The following MECOM variants were observed in gnomAD, a reference collection of about 807,000 sequenced individuals.
MECOM encodes histone-lysine N-methyltransferase MECOM.
Under a neutral mutation model 116.3 loss-of-function variants are expected in MECOM, and 13 were observed. The ratio of observed to expected loss-of-function variants is 0.11; its 90% CI spans 0.07 to 0.18. The LOEUF is 0.18. Ranked by LOEUF, MECOM falls within the 10% of genes least tolerant of loss-of-function variation. MECOM has a pLI of 1.00. For synonymous variants in MECOM, 528 were observed against 535.2 expected (o/e 0.99, Z 0.19); for missense variants, 1,299 against 1,509.0 (o/e 0.86, Z 2.31).
intron 1 of MECOM, among the ~76,000 whole-genome samples, chr3:169,408,498 G>A (rs184163547): frequency 1.3e-5 from 2 of 152,230 alleles, no homozygotes; most frequent in African/African-American, 4.8e-5. Flanking sequence ...CTTCTGGTAA[G>A]TAAAACAACA....
At chr3:169,433,517 GACAA>G (rs532076854) in intron 1 of MECOM, among the ~76,000 whole-genome samples, 67 of 141,576 alleles carry the variant, frequency 4.7e-4, no homozygotes, top group East Asian at 2.1e-3. Flanking sequence ...AGAAAAGAAA[GACAA>G]ACAGACAGAC....
chr3:169,328,848 T>C (rs1019814848), intron 2 of MECOM, among the ~76,000 whole-genome samples: 2 of 152,192 alleles, frequency 1.3e-5, no homozygotes, highest in East Asian at 3.8e-4. Context: ...GACATGATTG[T>C]CAGAGCTTCT....
At chr3:169,525,665 T>G (rs1231769130) in intron 1 of MECOM, among the ~76,000 whole-genome samples, 1 of 152,234 alleles carries the variant, frequency 6.6e-6, no homozygotes, top group African/African-American at 2.4e-5. Flanking sequence ...CATATTAAAT[T>G]GATCTTACTG....
chr3:169,343,799 C>T (rs546087568), intron 2 of MECOM, among the ~76,000 whole-genome samples: 1 of 152,202 alleles, frequency 6.6e-6, no homozygotes, highest in South Asian at 2.1e-4. Context: ...ACCAACCTGA[C>T]ATGTTAAGGA....
Position 169,659,404 on chromosome 3 carries a change from G to A in MECOM, c.37+3932C>T, listed in dbSNP as rs145637844. ...TTCCACAGTGCTGGAGATGAGGGAA[G>A]AATGAAAAGCGTAATTAACCTTCCC... On this transcript the variant is annotated intron_variant, in intron 1 of 16. Coordinates refer to ENST00000651503, the MANE Select transcript of MECOM (RefSeq NM_004991.4). Among the ~76,000 whole-genome samples the A allele has an allele frequency of 1.6e-3, 200 of 127,496 alleles. 2 individuals carry two copies. Among genetic ancestry groups the A allele is most frequent in the African/African-American group, 5.4e-3 (187 of 34,604 alleles). 83.6% of individuals were successfully genotyped at this position (127,496 alleles called of 152,430 possible).
intron 2 of MECOM, among the ~76,000 whole-genome samples, chr3:169,225,416 T>C (rs999569221): frequency 3.9e-5 from 6 of 152,104 alleles, no homozygotes; most frequent in African/African-American, 1.4e-4. Flanking sequence ...GTCAGGATGA[T>C]TATTTGTGAC....
At chr3:169,371,806 G>A (rs150868268) in intron 2 of MECOM, among the ~76,000 whole-genome samples, 1 of 152,078 alleles carries the variant, frequency 6.6e-6, no homozygotes, top group East Asian at 1.9e-4. Flanking sequence ...GACCACCGTT[G>A]TTAGGTATCT....
intron 2 of MECOM, among the ~76,000 whole-genome samples, chr3:169,153,157 G>T (rs983873904): frequency 2.0e-4 from 31 of 152,070 alleles, no homozygotes; most frequent in African/African-American, 7.0e-4. Context: ...AAATAAAAAT[G>T]TTAATAAAAT....
intron 1 of MECOM, among the ~76,000 whole-genome samples, chr3:169,604,272 T>TCTCC (rs1009990102): frequency 2.0e-5 from 3 of 151,394 alleles, no homozygotes; most frequent in Admixed American, 1.3e-4. Flanking sequence ...TCTCTCTCTC[T>TCTCC]CTCCCTCCCT....
intron 1 of MECOM, among the ~76,000 whole-genome samples, chr3:169,554,474 A>G (rs4290845): frequency 0.22 from 32,945 of 152,144 alleles, 4,633 homozygotes; most frequent in East Asian, 0.7. Flanking sequence ...TTCATTTTTT[A>G]AAGTCCTCTC....
At chr3:169,565,854 C>A in intron 1 of MECOM, 1 of 373,800 alleles carries the variant, frequency 2.7e-6, no homozygotes, top group South Asian at 2.0e-5. Context: ...GGAGGTTTGG[C>A]AGCCCCTAGC....
intron 5 of MECOM, among the ~76,000 whole-genome samples, chr3:169,127,620 T>C (rs1733299235): frequency 6.6e-6 from 1 of 152,136 alleles, no homozygotes; most frequent in African/African-American, 2.4e-5. Flanking sequence ...TTAATAATAA[T>C]ATAACATTAT....
intron 2 of MECOM, among the ~76,000 whole-genome samples, chr3:169,242,268 A>G (rs962752043): frequency 2.6e-5 from 4 of 152,130 alleles, no homozygotes; most frequent in Admixed American, 6.5e-5. Context: ...CTCAATCCTG[A>G]GAGTCCTGTC....
chr3:169,188,305 A>C (rs954750889), intron 2 of MECOM, among the ~76,000 whole-genome samples: 1 of 152,116 alleles, frequency 6.6e-6, no homozygotes, highest in Non-Finnish European at 1.5e-5. Flanking sequence ...TTAAAATAAA[A>C]GAAGAAAAAG....
chr3:169,402,156 A>T (rs1736006203), intron 1 of MECOM, among the ~76,000 whole-genome samples: 1 of 152,216 alleles, frequency 6.6e-6, no homozygotes, highest in African/African-American at 2.4e-5. Context: ...TGGAACGGGG[A>T]TAAAATAAAC....
At chr3:169,114,319 T>G (rs9847631) in intron 8 of MECOM, among the ~76,000 whole-genome samples, 90,257 of 151,940 alleles carry the variant, frequency 0.59, 27,020 homozygotes, top group Admixed American at 0.67. Flanking sequence ...TGATACTACT[T>G]TATCATATTC....
intron 1 of MECOM, chr3:169,483,700 C>G (rs953841856): frequency 8.0e-5 from 126 of 1,582,284 alleles, no homozygotes; most frequent in Non-Finnish European, 1.0e-4. Flanking sequence ...TCTTCTTCGT[C>G]CTGGTTAATC....
At chr3:169,120,939 C>T in intron 7 of MECOM, 117 bp downstream of exon 7, 7 of 1,038,584 alleles carry the variant, frequency 6.7e-6, no homozygotes, top group South Asian at 2.3e-5. Context: ...CTGGATTGGA[C>T]CATAAATAGC....
intron 2 of MECOM, 73 bp downstream of exon 2, chr3:169,381,114 T>G (rs1732319240): frequency 7.4e-7 from 1 of 1,349,070 alleles, no homozygotes; most frequent in African/African-American, 1.5e-5. Flanking sequence ...TTGCTTATTT[T>G]GTGGATGCTT....
Sources: allele counts gnomAD v4.1 joint callset (sites outside exome capture counted in the v4.1 genomes callset), GRCh38; gene constraint gnomAD v4.1.1; transcripts MANE v1.5; gene names NCBI Gene and HGNC (gene_info 2026-07-23, HGNC 2026-07-21).